Variants in KDM4A observed in about 807,000 individuals in gnomAD.
The protein encoded by KDM4A is lysine-specific demethylase 4A.
A neutral mutation model predicts 127.1 loss-of-function variants in KDM4A; 23 were observed. That is an observed-to-expected ratio of 0.18 (90% CI 0.13 to 0.26). KDM4A has a LOEUF of 0.26. Among genes scored for constraint, KDM4A ranks in the 10% least tolerant of loss-of-function variants. The probability of loss-of-function intolerance (pLI) is 1.00; values close to 1 mark genes in which losing one functional copy is unlikely to be tolerated. For missense variants in KDM4A, 890 were observed against 1,329.1 expected, an observed-to-expected ratio of 0.67 and a Z score of 5.14; for synonymous variants, 443 against 466.5, an observed-to-expected ratio of 0.95 and a Z score of 0.65.
rs773743109 is a variant in KDM4A, at chr1:43,691,052, G to C, written c.2242+3G>C. On this transcript the variant is annotated splice_donor_region_variant and intron_variant, in intron 14 of 21. Transcript: ENST00000372396. The stretch of plus-strand genomic sequence containing the variant: ...GTGCAGCGTCCGGGTCCATGCCAGT[G>C]AGTGCTGCTCACCTTTCTCTGTGTC... The C allele has an allele frequency of 6.2e-7, 1 of 1,613,778 alleles. No homozygotes were observed. The highest frequency in any genetic ancestry group is 1.1e-5 in the South Asian group (1 of 91,058).
At chr1:43,670,307 G>C (rs1241991293) in intron 10 of KDM4A, among the ~76,000 whole-genome samples, 1 of 152,112 alleles carries the variant, frequency 6.6e-6, no homozygotes, top group Non-Finnish European at 1.5e-5. Context: ...GGCTGGGCTG[G>C]CTTCTCTTCA....
chr1:43,702,678 T>C (rs1351303444), intron 19 of KDM4A: 1 of 152,152 alleles, frequency 6.6e-6, no homozygotes, highest in Non-Finnish European at 1.5e-5. Flanking sequence ...GGAATAAAAG[T>C]TCTGAAGTAC....
At chr1:43,672,919 T>G (rs992905005) in intron 11 of KDM4A, among the ~76,000 whole-genome samples, 1 of 152,214 alleles carries the variant, frequency 6.6e-6, no homozygotes, top group Non-Finnish European at 1.5e-5. Context: ...TGACCTTTCT[T>G]ACCTTGAAAT....
rs1186720237 is a variant in KDM4A, at chr1:43,666,504, G to A, written c.726G>A (p.Met242Ile). The A allele has an allele frequency of 6.2e-7, 1 of 1,614,214 alleles. No individual in the cohort carries two copies. Among genetic ancestry groups the A allele is most frequent in the Admixed American group, 1.7e-5 (1 of 60,020 alleles). ...GTGAGGCATTTCTCCGCCACAAGATGACCCTGATTTCCCCGTTAATGCTGA... is the reference window on the plus strand; with the variant it reads ...GTGAGGCATTTCTCCGCCACAAGATAACCCTGATTTCCCCGTTAATGCTGA... ...QSCEAFLRHKMTLISPLMLKK... is the reference protein window; with the variant it reads ...QSCEAFLRHKITLISPLMLKK... The change falls in exon 7 of 22, where the codon ATG becomes ATA. Residue 242 changes from methionine (M) to isoleucine (I), a missense_variant. Around this residue, in one of 7 missense-constraint regions of KDM4A, gnomAD observed 141 missense variants for 273.5 expected, o/e 0.52. Transcript: ENST00000372396.
rs1661172314 is a variant in KDM4A at position 43,693,583 on chromosome 1, C to T, written c.2376-411C>T. On this transcript the variant is annotated intron_variant, in intron 16 of 21. Transcript: ENST00000372396. This position sits in a 1 kb window ranked among gnomAD's most constrained non-coding sequence, Gnocchi z 4.2. Reference sequence around the variant, plus strand: ...GGTTTGGGCAGAGGCCGAGAGAGAGCTGTGATTACTGGCAGATTAGGGCAC... The same window carrying T: ...GGTTTGGGCAGAGGCCGAGAGAGAGTTGTGATTACTGGCAGATTAGGGCAC... 6.6e-6 allele frequency among the ~76,000 whole-genome samples: 1 copy of T among 152,170 alleles called. No individual in the cohort carries two copies. Among genetic ancestry groups the T allele is most frequent in the South Asian group, 2.1e-4 (1 of 4,838 alleles).
rs1661478069 is a variant in KDM4A, at chr1:43,704,007, G to T, written c.2962-13G>T. 3.7e-6 allele frequency: 6 copies of T among 1,612,700 alleles called. No homozygotes were observed. The highest frequency in any genetic ancestry group is 5.1e-6 in the Non-Finnish European group (6 of 1,178,692). ...GGGATATCCTAGCCAAAAGGCCTTT[G>T]TTTCCTTGGTAGGTGGAGTTTGAGG... is the stretch of plus-strand genomic sequence containing the variant. On this transcript the variant is annotated splice_polypyrimidine_tract_variant and intron_variant, in intron 20 of 21. Transcript: ENST00000372396.
chr1:43,653,367 A>ATT (rs3215842), intron 2 of KDM4A, 54 bp downstream of exon 2: 127 of 1,491,704 alleles, frequency 8.5e-5, no homozygotes, highest in Non-Finnish European at 1.0e-4. Context: ...GAGCAGTAAG[A>ATT]TTTTTTTCCT....
chr1:43,685,671 G>T (rs905903922), intron 12 of KDM4A, among the ~76,000 whole-genome samples: 1 of 152,136 alleles, frequency 6.6e-6, no homozygotes, highest in Non-Finnish European at 1.5e-5. Flanking sequence ...GGGAGGCTGA[G>T]GCAGGAGAAT....
At chr1:43,659,756 T>C (rs1660328502) in intron 3 of KDM4A, among the ~76,000 whole-genome samples, 1 of 152,356 alleles carries the variant, frequency 6.6e-6, no homozygotes, top group Admixed American at 6.5e-5. Flanking sequence ...TTTACTAAAA[T>C]ATTTGTTGTT....
chr1:43,667,196 C>A, intron 8 of KDM4A, 105 bp downstream of exon 8: 2 of 1,241,652 alleles, frequency 1.6e-6, no homozygotes, highest in Non-Finnish European at 2.3e-6. Context: ...TGCTGGAATT[C>A]AGAAACAAGC....
At chr1:43,672,944 CT>C (rs754957988) in intron 11 of KDM4A, among the ~76,000 whole-genome samples, 4 of 152,116 alleles carry the variant, frequency 2.6e-5, no homozygotes, top group Admixed American at 1.3e-4. Context: ...GGGTTTTTTT[CT>C]TACACCTCTT....
rs749971470 is a variant in KDM4A at position 43,692,243 on chromosome 1, CCTTT to C, written c.2320-9_2320-6del. 1 of 1,613,934 alleles carries C rather than the reference CCTTT, an allele frequency of 6.2e-7. No homozygotes were observed. The highest frequency in any genetic ancestry group is 8.5e-7 in the Non-Finnish European group (1 of 1,179,792). On this transcript the variant is annotated splice_polypyrimidine_tract_variant and intron_variant, in intron 15 of 21. Coordinates refer to ENST00000372396, the MANE Select transcript of KDM4A (RefSeq NM_014663.3). The stretch of plus-strand genomic sequence containing the variant: ...GTATTAACCACTTTTTCCTCCCTCT[CCTTT>C]CTTGGCAGGACTGCTGTTTATGCTC...
At chr1:43,679,778 C>A (rs1178952194) in intron 11 of KDM4A, among the ~76,000 whole-genome samples, 1 of 152,166 alleles carries the variant, frequency 6.6e-6, no homozygotes, top group Non-Finnish European at 1.5e-5. Context: ...GGTGGGAGAA[C>A]AATTGGTTCT....
At chr1:43,662,806 C>A in intron 4 of KDM4A, 88 bp from the exon 5 acceptor site, 3 of 1,121,234 alleles carry the variant, frequency 2.7e-6, no homozygotes, top group Non-Finnish European at 3.9e-6. Context: ...GAGATGACAG[C>A]TTACTTGTGA....
chr1:43,656,439 G>A (rs1660242512), intron 3 of KDM4A, among the ~76,000 whole-genome samples: 2 of 138,714 alleles, frequency 1.4e-5, no homozygotes, highest in African/African-American at 2.7e-5. Context: ...CCAGGTTCAC[G>A]TGATTCTCCT....
rs1328230615 is a variant in KDM4A, at chr1:43,704,979, GC to G, written c.*610del. ...AGGCCTGGAACCGTCTCAAGACAGT[GC>G]TGGCAAAGCTGCAGTATTGAGATGC... On this transcript the variant is annotated 3_prime_UTR_variant, in exon 22 of 22. Transcript: ENST00000372396. The G allele has an allele frequency of 6.5e-6, 1 of 153,234 alleles. No individual in the cohort carries two copies. Among genetic ancestry groups the G allele is most frequent in the African/African-American group, 2.4e-5 (1 of 41,452 alleles). 9.5% of individuals were successfully genotyped at this position (153,234 alleles called of 1,614,324 possible). A position where few individuals can be genotyped will look rare whatever the true frequency, so the allele number is the denominator to read the frequency against.
intron 11 of KDM4A, among the ~76,000 whole-genome samples, chr1:43,678,187 G>A (rs751402340): frequency 6.6e-6 from 1 of 152,092 alleles, no homozygotes; most frequent in Non-Finnish European, 1.5e-5. Flanking sequence ...GTCTAGAGGG[G>A]GACTTTTGTG....
intron 10 of KDM4A, 45 bp from the exon 11 acceptor site, chr1:43,671,460 G>A: frequency 1.3e-6 from 2 of 1,499,136 alleles, no homozygotes; most frequent in Non-Finnish European, 8.9e-7. Context: ...AGGTTCACAT[G>A]TGCAGGAGGA....
chr1:43,703,976 G>A, intron 20 of KDM4A, 44 bp from the exon 21 acceptor site: 2 of 1,541,714 alleles, frequency 1.3e-6, no homozygotes, highest in Non-Finnish European at 1.8e-6. Context: ...ACCAGGGAAA[G>A]AGTCAGGGAT....
Sources: allele counts gnomAD v4.1 joint callset (sites outside exome capture counted in the v4.1 genomes callset), GRCh38; gene constraint gnomAD v4.1.1; regional missense constraint gnomAD v4.1.1; non-coding constraint Gnocchi (gnomAD v3.1); transcripts MANE v1.5; gene names NCBI Gene and HGNC (gene_info 2026-07-23, HGNC 2026-07-21).